Variants in PIK3C2G observed in about 807,000 individuals in gnomAD.
PIK3C2G encodes phosphatidylinositol-4-phosphate 3-kinase catalytic subunit type 2 gamma.
A neutral mutation model predicts 181.1 loss-of-function variants in PIK3C2G; 168 were observed. The observed-to-expected ratio is 0.93, with a 90% CI of 0.82 to 1.05. The LOEUF (loss-of-function observed/expected upper bound fraction) is 1.05. PIK3C2G is among the 50% of genes least tolerant of loss of function. The pLI is 0.00. For synonymous variants in PIK3C2G, 573 were observed against 592.2 expected (o/e 0.97, Z 0.47); for missense variants, 1,869 against 1,732.8 (o/e 1.08, Z -1.40).
chr12:18,548,561 C>A (rs1024793497), intron 26 of PIK3C2G, among the ~76,000 whole-genome samples: 1 of 151,954 alleles, frequency 6.6e-6, no homozygotes, highest in African/African-American at 2.4e-5. Context: ...GACCTATCTC[C>A]CCTTCCCATT....
In PIK3C2G at chr12:18,419,383, C is replaced by T. The variant is rs748817123; in HGVS notation, c.2316-1558C>T. ...AAAACTTACCTAGTAACTATTCCCT[C>T]CAAGACTTCAAACTGTCCTCACACT... On this transcript the variant is annotated intron_variant, in intron 16 of 32. Transcript: ENST00000538779. 5.5e-4 allele frequency among the ~76,000 whole-genome samples: 83 copies of T among 152,272 alleles called. No individual in the cohort carries two copies. The Middle Eastern group carries it at 0.01, about 19-fold the overall frequency.
intron 31 of PIK3C2G, among the ~76,000 whole-genome samples, chr12:18,639,642 GA>G (rs1194999046): frequency 6.6e-6 from 1 of 152,116 alleles, no homozygotes; most frequent in East Asian, 1.9e-4. Context: ...TTCTTCAAAT[GA>G]TCTATTTAGA....
the PIK3C2G span, among the ~76,000 whole-genome samples, chr12:18,655,502 C>A: frequency 6.6e-6 from 1 of 152,182 alleles, no homozygotes; most frequent in Non-Finnish European, 1.5e-5. Flanking sequence ...TAGAACATAG[C>A]TACCCATTCC....
At position 18,562,807 on chromosome 12, in the gene PIK3C2G, CTT is replaced by C. The variant is rs1380904080; in HGVS notation, c.3698_3699del (p.Phe1233SerfsTer11). The C allele has an allele frequency of 2.5e-6, 4 of 1,607,930 alleles. No homozygotes were observed. The highest frequency in any genetic ancestry group is 3.4e-5 in the Admixed American group (2 of 59,324). On this transcript the variant is annotated frameshift_variant, in exon 27 of 33. Transcript: ENST00000538779. LOFTEE classifies it high-confidence loss of function. ...AGCCCTGCCAAATCTACTTCACAGA[CTT>C]TTCCTCAGGAATCCTGTTTGCTGAG...
intron 16 of PIK3C2G, among the ~76,000 whole-genome samples, chr12:18,410,458 T>C (rs1213789718): frequency 1.3e-5 from 2 of 150,436 alleles, no homozygotes; most frequent in Non-Finnish European, 2.9e-5. Context: ...TGAGCCAAGA[T>C]TGCGCTACTG....
intron 27 of PIK3C2G, 33 bp downstream of exon 27, chr12:18,562,925 A>T (rs1418993709): frequency 7.0e-7 from 1 of 1,421,182 alleles, no homozygotes; most frequent in Non-Finnish European, 9.8e-7. Context: ...TGACTTACGT[A>T]TCACTTGACT....
At chr12:18,279,846 C>T (rs1255719041) in intron 1 of PIK3C2G, among the ~76,000 whole-genome samples, 2 of 152,016 alleles carry the variant, frequency 1.3e-5, no homozygotes, top group Non-Finnish European at 2.9e-5. Context: ...ACACCATTTA[C>T]ATACATCTCT....
At chr12:18,372,201 G>A (rs1024303722) in intron 13 of PIK3C2G, among the ~76,000 whole-genome samples, 32 of 152,070 alleles carry the variant, frequency 2.1e-4, no homozygotes, top group African/African-American at 7.7e-4. Flanking sequence ...GTGTATGTGT[G>A]TGTGTGTGTG....
intron 10 of PIK3C2G, among the ~76,000 whole-genome samples, chr12:18,346,418 A>G (rs991292220): frequency 6.6e-6 from 1 of 152,158 alleles, no homozygotes; most frequent in Non-Finnish European, 1.5e-5. Context: ...TGCTTCCAAG[A>G]TTTCTGCAGC....
chr12:18,356,004 T>C (rs890346651), intron 11 of PIK3C2G, among the ~76,000 whole-genome samples: 1 of 152,170 alleles, frequency 6.6e-6, no homozygotes, highest in African/African-American at 2.4e-5. Flanking sequence ...AGGTCCAGTC[T>C]TGTGGCCTTC....
intron 16 of PIK3C2G, among the ~76,000 whole-genome samples, chr12:18,416,708 T>C (rs1043391437): frequency 6.6e-6 from 1 of 152,214 alleles, no homozygotes; most frequent in Non-Finnish European, 1.5e-5. Flanking sequence ...AAGCCCACTG[T>C]TGAAACTTAC....
intron 16 of PIK3C2G, among the ~76,000 whole-genome samples, chr12:18,411,864 T>C (rs887383191): frequency 2.0e-5 from 3 of 152,156 alleles, no homozygotes; most frequent in Non-Finnish European, 2.9e-5. Context: ...CTTTCACCCA[T>C]CACTTCAAAA....
chr12:18,641,638 T>TACATACTC (rs1565591475), intron 32 of PIK3C2G, among the ~76,000 whole-genome samples: 2 of 151,998 alleles, frequency 1.3e-5, no homozygotes. Context: ...CCTCTTCCTG[T>TACATACTC]ACATACTCTC....
upstream of PIK3C2G, among the ~76,000 whole-genome samples, chr12:18,257,349 A>C (rs978283020): frequency 2.0e-5 from 3 of 152,194 alleles, no homozygotes; most frequent in African/African-American, 4.8e-5. Flanking sequence ...TTTAACACAG[A>C]GAATAAACTA....
chr12:18,572,451 C>T (rs902746093), intron 29 of PIK3C2G, among the ~76,000 whole-genome samples: 1 of 149,638 alleles, frequency 6.7e-6, no homozygotes, highest in Admixed American at 6.7e-5. Context: ...GTAGCTATAT[C>T]CATATATCTG....
At chr12:18,559,381 G>T (rs35618878) in intron 26 of PIK3C2G, among the ~76,000 whole-genome samples, 1 of 152,040 alleles carries the variant, frequency 6.6e-6, no homozygotes, top group Non-Finnish European at 1.5e-5. Flanking sequence ...GATTTGTGTC[G>T]TATGAGCATT....
Position 18,533,368 on chromosome 12 carries a change from T to G in PIK3C2G, c.3324-4788T>G, listed in dbSNP as rs190300988. Among the ~76,000 whole-genome samples the G allele has an allele frequency of 6.1e-3, 936 of 152,278 alleles. 3 individuals are homozygous for G. The highest frequency in any genetic ancestry group is 0.012 in the Non-Finnish European group (796 of 68,016). On this transcript the variant is annotated intron_variant, in intron 24 of 32. Coordinates refer to ENST00000538779, the MANE Select transcript of PIK3C2G (RefSeq NM_001288772.2). Reference sequence around the variant, plus strand: ...ACAAGGGAAAAAGTTAAAGTTCTTCTTGGCACCTCTTCTCCCTCTCATTCT... The same window carrying G: ...ACAAGGGAAAAAGTTAAAGTTCTTCGTGGCACCTCTTCTCCCTCTCATTCT...
intron 1 of PIK3C2G, among the ~76,000 whole-genome samples, chr12:18,267,663 A>C (rs1164220455): frequency 6.6e-6 from 1 of 152,202 alleles, no homozygotes; most frequent in East Asian, 1.9e-4. Flanking sequence ...AACAGACTTC[A>C]TCTGATTTCT....
chr12:18,495,016 A>C (rs752578517), intron 20 of PIK3C2G, among the ~76,000 whole-genome samples: 23 of 152,054 alleles, frequency 1.5e-4, no homozygotes, highest in Non-Finnish European at 5.9e-5. Context: ...CTTATGATTC[A>C]GTAAGCAAGG....
Sources: gnomAD v4.1 joint callset for allele counts (sites outside exome capture counted in the v4.1 genomes callset) on GRCh38, gnomAD v4.1.1 for gene constraint, MANE v1.5 for transcripts, NCBI Gene and HGNC (gene_info 2026-07-23, HGNC 2026-07-21) for gene names.